Variants in ARHGAP10 observed in about 807,000 individuals in gnomAD.
The protein encoded by ARHGAP10 is rho GTPase-activating protein 10.
Under a neutral mutation model 108.6 loss-of-function variants are expected in ARHGAP10, and 87 were observed. That is an observed-to-expected ratio of 0.80 (90% CI 0.67 to 0.96). ARHGAP10 has a LOEUF of 0.96. Among genes scored for constraint, ARHGAP10 ranks in the 40% least tolerant of loss-of-function variants. The pLI is 0.00. For synonymous variants in ARHGAP10, 347 were observed against 341.1 expected (o/e 1.02, Z -0.19); for missense variants, 939 against 954.5 (o/e 0.98, Z 0.21).
intron 1 of ARHGAP10, among the ~76,000 whole-genome samples, chr4:147,793,320 A>ATT (rs34193686): frequency 9.2e-4 from 134 of 145,346 alleles, no homozygotes; most frequent in African/African-American, 2.7e-3. Context: ...ATATATATAT[A>ATT]TTTTTTTTTT....
chr4:147,812,088 G>C (rs1732049038), intron 1 of ARHGAP10, among the ~76,000 whole-genome samples: 1 of 152,152 alleles, frequency 6.6e-6, no homozygotes. Flanking sequence ...CCTCCTGATG[G>C]GTGAGAGTTG....
chr4:147,877,819 C>CTTTTTTTTTTTTTTTTTTTTT (rs549355620), intron 8 of ARHGAP10, among the ~76,000 whole-genome samples: 4 of 131,456 alleles, frequency 3.0e-5, no homozygotes, highest in South Asian at 2.3e-4. Flanking sequence ...ATTCTTCATA[C>CTTTTTTTTTTTTTTTTTTTTT]TTTTTTTTTT....
intron 1 of ARHGAP10, among the ~76,000 whole-genome samples, chr4:147,798,765 CTCTCTCTCTCTCTCTCTATA>C (rs1188392740): frequency 3.4e-4 from 3 of 8,818 alleles, no homozygotes; most frequent in Admixed American, 4.1e-3. Flanking sequence ...CTCTCTCTCT[CTCTCTCTCTCTCTCTCTATA>C]TATATATATA....
chr4:148,054,742 A>G (rs1030120945), intron 20 of ARHGAP10, among the ~76,000 whole-genome samples: 2 of 152,240 alleles, frequency 1.3e-5, no homozygotes, highest in South Asian at 4.1e-4. Context: ...TGATCAAAGC[A>G]TGGGGAACCT....
At chr4:147,737,224 C>T (rs1728454602) in intron 1 of ARHGAP10, among the ~76,000 whole-genome samples, 1 of 152,122 alleles carries the variant, frequency 6.6e-6, no homozygotes, top group Admixed American at 6.5e-5. Context: ...AATCTTGGCT[C>T]AGGGCAACCT....
chr4:147,758,013 G>C (rs1327823362), intron 1 of ARHGAP10, among the ~76,000 whole-genome samples: 1 of 152,130 alleles, frequency 6.6e-6, no homozygotes, highest in South Asian at 2.1e-4. Context: ...TTTTATAAAC[G>C]TTACATTAGA....
At chr4:148,030,905 A>C (rs1728120074) in intron 19 of ARHGAP10, among the ~76,000 whole-genome samples, 1 of 152,124 alleles carries the variant, frequency 6.6e-6, no homozygotes, top group Admixed American at 6.5e-5. Context: ...ATTAAAATGA[A>C]ATTTGGGGCC....
rs534082479 is a variant in ARHGAP10, at chr4:147,756,315, T to TG, written c.154+23866dup. On this transcript the variant is annotated intron_variant, in intron 1 of 22. Coordinates refer to ENST00000336498, the MANE Select transcript of ARHGAP10 (RefSeq NM_024605.4). ...TTGTTGTAGAGGAAGGTGTGGGTGGTGGGGGGAGTATAAAATATTGGAATG... is the reference window on the plus strand; with the variant it reads ...TTGTTGTAGAGGAAGGTGTGGGTGGTGGGGGGGAGTATAAAATATTGGAATG... Among the ~76,000 whole-genome samples the TG allele has an allele frequency of 3.1e-3, 467 of 152,006 alleles. 3 individuals carry two copies. The highest frequency in any genetic ancestry group is 9.5e-3 in the African/African-American group (395 of 41,468).
chr4:147,984,858 A>G (rs143542854), intron 18 of ARHGAP10, among the ~76,000 whole-genome samples: 2,622 of 152,298 alleles, frequency 0.017, 26 homozygotes, highest in Non-Finnish European at 0.026. Flanking sequence ...TGGAGTGCAC[A>G]GTGGTCTGAG....
chr4:147,979,924 CT>C (rs1436576365), intron 18 of ARHGAP10, among the ~76,000 whole-genome samples: 4 of 152,128 alleles, frequency 2.6e-5, no homozygotes, highest in South Asian at 2.1e-4. Context: ...TTAATCAGAT[CT>C]AGTAGTCTTT....
chr4:147,978,437 C>T (rs941285029), intron 18 of ARHGAP10, among the ~76,000 whole-genome samples: 1 of 151,944 alleles, frequency 6.6e-6, no homozygotes, highest in African/African-American at 2.4e-5. Flanking sequence ...ATTGTAATTC[C>T]CAGTGTTGAG....
At chr4:147,853,011 G>A (rs1560790892) in intron 4 of ARHGAP10, among the ~76,000 whole-genome samples, 1 of 152,080 alleles carries the variant, frequency 6.6e-6, no homozygotes, top group Non-Finnish European at 1.5e-5. Context: ...TGAAATAAAT[G>A]TGAGCTATAC....
At chr4:148,049,423 T>C (rs1729026179) in intron 20 of ARHGAP10, among the ~76,000 whole-genome samples, 1 of 152,232 alleles carries the variant, frequency 6.6e-6, no homozygotes, top group South Asian at 2.1e-4. Flanking sequence ...CTCTTTTGTG[T>C]AAAACACACT....
At chr4:147,838,438 C>G (rs1167190704) in intron 3 of ARHGAP10, among the ~76,000 whole-genome samples, 1 of 149,704 alleles carries the variant, frequency 6.7e-6, no homozygotes, top group African/African-American at 2.5e-5. Flanking sequence ...CCATTGCACT[C>G]CAAGCCTGGG....
chr4:147,803,581 G>A (rs1259102255), intron 1 of ARHGAP10, among the ~76,000 whole-genome samples: 2 of 151,998 alleles, frequency 1.3e-5, no homozygotes, highest in African/African-American at 4.8e-5. Flanking sequence ...CCTCTTTATT[G>A]CCCCTCTCCC....
chr4:148,011,925 C>T (rs923195811), intron 18 of ARHGAP10, among the ~76,000 whole-genome samples: 2 of 152,046 alleles, frequency 1.3e-5, no homozygotes, highest in African/African-American at 4.8e-5. Context: ...TGTGCTAATC[C>T]CCCAGTAACT....
intron 16 of ARHGAP10, among the ~76,000 whole-genome samples, chr4:147,958,325 A>C (rs956221549): frequency 1.3e-5 from 2 of 152,230 alleles, no homozygotes; most frequent in Admixed American, 1.3e-4. Context: ...TCAGAAGAAA[A>C]ATCTCTTCAC....
At chr4:148,031,788 G>C (rs1728159191) in intron 19 of ARHGAP10, among the ~76,000 whole-genome samples, 1 of 152,124 alleles carries the variant, frequency 6.6e-6, no homozygotes. Context: ...TTTCAATGTG[G>C]GACATAAAAC....
intron 10 of ARHGAP10, among the ~76,000 whole-genome samples, chr4:147,882,796 A>G (rs1735383026): frequency 6.6e-6 from 1 of 152,186 alleles, no homozygotes. Context: ...CAGTATTACT[A>G]CTTGTCTGGC....
Sources: gnomAD v4.1 joint callset for allele counts (sites outside exome capture counted in the v4.1 genomes callset) on GRCh38, gnomAD v4.1.1 for gene constraint, MANE v1.5 for transcripts, NCBI Gene and HGNC (gene_info 2026-07-23, HGNC 2026-07-21) for gene names.